The following PRKG1 variants were observed in gnomAD, a reference collection of about 807,000 sequenced individuals.
The protein encoded by PRKG1 is cGMP-dependent protein kinase 1.
Under a neutral mutation model 88.1 loss-of-function variants are expected in PRKG1, and 35 were observed. That is an observed-to-expected ratio of 0.40 (90% confidence interval 0.30 to 0.53). The LOEUF (loss-of-function observed/expected upper bound fraction) is 0.53. PRKG1 is among the 20% of genes least tolerant of loss of function. The pLI is 0.59. For missense variants in PRKG1, 540 were observed against 839.8 expected (o/e 0.64, Z 4.41); for synonymous variants, 303 against 292.5 (o/e 1.04, Z -0.37).
At chr10:51,091,988 T>C (rs377002300) in intron 1 of PRKG1, among the ~76,000 whole-genome samples, 125 of 152,294 alleles carry the variant, frequency 8.2e-4, no homozygotes, top group African/African-American at 2.8e-3. Flanking sequence ...TTTCTACAGC[T>C]TTACAGTTCT....
At chr10:51,266,372 T>C (rs1212967332) in intron 2 of PRKG1, among the ~76,000 whole-genome samples, 1 of 152,160 alleles carries the variant, frequency 6.6e-6, no homozygotes, top group African/African-American at 2.4e-5. Context: ...AGCTATTACA[T>C]TAGACAGAAC....
intron 3 of PRKG1, among the ~76,000 whole-genome samples, chr10:51,721,073 C>A (rs947324989): frequency 6.6e-6 from 1 of 151,682 alleles, no homozygotes; most frequent in Non-Finnish European, 1.5e-5. Flanking sequence ...ATTAGCTGGG[C>A]ATGGTGATGT....
At chr10:51,356,919 A>G (rs1210168954) in intron 2 of PRKG1, among the ~76,000 whole-genome samples, 2 of 151,950 alleles carry the variant, frequency 1.3e-5, no homozygotes, top group African/African-American at 2.4e-5. Context: ...TAGGCTATAC[A>G]TCCCTTAAAT....
intron 7 of PRKG1, among the ~76,000 whole-genome samples, chr10:52,092,062 G>A (rs16926469): frequency 1.3e-5 from 2 of 152,024 alleles, no homozygotes; most frequent in Admixed American, 1.3e-4. Flanking sequence ...GTGAGCATGA[G>A]CACTTAGTAT....
At chr10:51,890,224 T>C (rs1209355122) in intron 4 of PRKG1, among the ~76,000 whole-genome samples, 2 of 152,244 alleles carry the variant, frequency 1.3e-5, no homozygotes, top group Non-Finnish European at 2.9e-5. Context: ...CCATCTTGAA[T>C]TAATTTTTGT....
intron 5 of PRKG1, among the ~76,000 whole-genome samples, chr10:52,038,452 G>C (rs1480230995): frequency 6.6e-6 from 1 of 151,932 alleles, no homozygotes; most frequent in Non-Finnish European, 1.5e-5. Flanking sequence ...GGGGCACAGA[G>C]ATATAAGAGG....
chr10:51,942,183 T>A (rs1842924141), intron 5 of PRKG1, among the ~76,000 whole-genome samples: 1 of 152,040 alleles, frequency 6.6e-6, no homozygotes, highest in Admixed American at 6.5e-5. Flanking sequence ...GGTTTTGATT[T>A]GCATTTCTCT....
rs559694671 is a variant in PRKG1 at position 51,369,881 on chromosome 10, A to G, written c.479-97842A>G. 1.3e-4 allele frequency among the ~76,000 whole-genome samples: 20 copies of G among 152,294 alleles called. No homozygotes were observed. The South Asian group carries it at 2.5e-3, about 19-fold the overall frequency. On this transcript the variant is annotated intron_variant, in intron 2 of 17. Transcript: ENST00000373980. ...ATATCCATCTACACTAAAGACATTT[A>G]TGTATACCAAAATGTGGAAGCCCAG...
intron 2 of PRKG1, among the ~76,000 whole-genome samples, chr10:51,315,656 A>G (rs1203548110): frequency 6.6e-6 from 1 of 152,236 alleles, no homozygotes; most frequent in African/African-American, 2.4e-5. Context: ...CTGAGACCAC[A>G]TAGCCAATAA....
intron 2 of PRKG1, among the ~76,000 whole-genome samples, chr10:51,431,763 AAAG>A (rs1224695268): frequency 1.3e-5 from 2 of 152,174 alleles, no homozygotes; most frequent in African/African-American, 4.8e-5. Flanking sequence ...GACAACACAG[AAAG>A]AAGGACAATT....
chr10:51,215,568 GAGGA>G (rs1206163593), intron 2 of PRKG1, among the ~76,000 whole-genome samples: 2 of 152,188 alleles, frequency 1.3e-5, no homozygotes, highest in Non-Finnish European at 2.9e-5. Context: ...GGGCATGGAG[GAGGA>G]AGGGAGTAGA....
chr10:51,354,916 A>T (rs1444404), intron 2 of PRKG1, among the ~76,000 whole-genome samples: 5,864 of 152,164 alleles, frequency 0.039, 201 homozygotes, highest in African/African-American at 0.086. Flanking sequence ...GCTGACAGTT[A>T]TAGGGAGGAC....
intron 4 of PRKG1, among the ~76,000 whole-genome samples, chr10:51,881,189 G>A (rs1841429736): frequency 6.6e-6 from 1 of 152,034 alleles, no homozygotes; most frequent in African/African-American, 2.4e-5. Flanking sequence ...AGGGCTGAAA[G>A]TTAAGATTAG....
intron 7 of PRKG1, among the ~76,000 whole-genome samples, chr10:52,097,621 T>C (rs1847201871): frequency 6.6e-6 from 1 of 152,120 alleles, no homozygotes; most frequent in African/African-American, 2.4e-5. Context: ...ACTCAGTTCA[T>C]TAACATCTTC....
Position 51,074,543 on chromosome 10 carries a change from A to G in PRKG1, c.-48A>G, listed in dbSNP as rs1489336972. The stretch of plus-strand genomic sequence containing the variant: ...TTGATCGGAGAGGGGAGGAAGCCTC[A>G]AGACGCGGAGCAGCGGCAGGAAGGA... On this transcript the variant is annotated 5_prime_UTR_variant, in exon 1 of 18. Transcript: ENST00000373980. 3.2e-6 allele frequency: 5 copies of G among 1,576,402 alleles called. No homozygotes were observed. The highest frequency in any genetic ancestry group is 4.3e-6 in the Non-Finnish European group (5 of 1,159,312).
At chr10:51,657,256 G>A (rs540816069) in intron 3 of PRKG1, among the ~76,000 whole-genome samples, 1 of 151,806 alleles carries the variant, frequency 6.6e-6, no homozygotes, top group Non-Finnish European at 1.5e-5. Context: ...CATTTATATG[G>A]TTTTTTTGTT....
chr10:51,943,991 C>G (rs937320179), intron 5 of PRKG1, among the ~76,000 whole-genome samples: 2 of 152,028 alleles, frequency 1.3e-5, no homozygotes, highest in Non-Finnish European at 2.9e-5. Flanking sequence ...GGAGGATTCC[C>G]TCTTTTTCTG....
intron 3 of PRKG1, among the ~76,000 whole-genome samples, chr10:51,505,420 G>A (rs1841168216): frequency 6.6e-6 from 1 of 152,126 alleles, no homozygotes; most frequent in Admixed American, 6.6e-5. Context: ...AAGGATATTG[G>A]TCTAAAATTC....
intron 5 of PRKG1, among the ~76,000 whole-genome samples, chr10:51,951,656 C>T (rs1435611369): frequency 2.7e-5 from 4 of 149,910 alleles, no homozygotes; most frequent in Non-Finnish European, 4.4e-5. Flanking sequence ...AGTTTCCAGA[C>T]ATTGGGATGA....
Sources: gnomAD v4.1 joint callset for allele counts (sites outside exome capture counted in the v4.1 genomes callset) on GRCh38, gnomAD v4.1.1 for gene constraint, MANE v1.5 for transcripts, NCBI Gene and HGNC (gene_info 2026-07-23, HGNC 2026-07-21) for gene names.